NETO2: variants seen among roughly 807,000 people sequenced by gnomAD.
NETO2 encodes neuropilin and tolloid like 2, also known as neuropilin and tolloid-like protein 2.
NETO2 carries 28 observed loss-of-function variants against 62.5 expected under a neutral mutation model. The observed-to-expected ratio is 0.45, with a 90% confidence interval of 0.33 to 0.61. The LOEUF is 0.61. NETO2 is among the 20% of genes least tolerant of loss of function. The probability of loss-of-function intolerance (pLI) is 0.02; values close to 1 mark genes in which losing one functional copy is unlikely to be tolerated. For missense variants in NETO2, 548 were observed against 643.2 expected (o/e 0.85, Z 1.60); for synonymous variants, 214 against 219.1 (o/e 0.98, Z 0.21).
Position 47,122,723 on chromosome 16 carries a change from C to T in NETO2, c.588G>A (p.Glu196=). Residue 196 remains glutamate, a synonymous_variant, in exon 6 of 9, where the codon GAG becomes GAA. Coordinates refer to ENST00000562435, the MANE Select transcript of NETO2 (RefSeq NM_018092.5). ...CGGCTTGGCCTGGTTTTGTTTTCTC[C>T]TCTTGTTCTACCTGACTAGAGCGCA... ...GIVRSSQVEQ[E]EKTKPGQAVD... 1.9e-6 allele frequency: 3 copies of T among 1,614,104 alleles called. No individual in the cohort carries two copies. Among genetic ancestry groups the T allele is most frequent in the Non-Finnish European group, 2.5e-6 (3 of 1,180,014 alleles).
intron 7 of NETO2, among the ~76,000 whole-genome samples, chr16:47,103,624 T>C (rs1214425006): frequency 2.6e-5 from 4 of 152,074 alleles, no homozygotes; most frequent in Admixed American, 6.6e-5. Context: ...AATATTAATA[T>C]AAAAATCCTC....
In NETO2 at chr16:47,085,029, G is replaced by A. The variant is rs1044801551; in HGVS notation, c.997+1197C>T. ...CCAGTCCTTGGTACCAAAAAGGTTG[G>A]GGACTGCTGTCTTAGAGGATAAAAG... On this transcript the variant is annotated intron_variant, in intron 8 of 8. Transcript: ENST00000562435. 5.3e-5 allele frequency among the ~76,000 whole-genome samples: 8 copies of A among 152,118 alleles called. No individual in the cohort carries two copies. The East Asian group carries it at 1.5e-3, about 29-fold the overall frequency.
At chr16:47,085,537 A>C (rs1963167854) in intron 8 of NETO2, among the ~76,000 whole-genome samples, 1 of 151,562 alleles carries the variant, frequency 6.6e-6, no homozygotes, top group Admixed American at 6.6e-5. Flanking sequence ...GCGTGCCACC[A>C]CGCCTAGCTG....
At chr16:47,106,822 C>G (rs1039493649) in intron 7 of NETO2, among the ~76,000 whole-genome samples, 1 of 151,340 alleles carries the variant, frequency 6.6e-6, no homozygotes, top group African/African-American at 2.4e-5. Context: ...CTCTGTCACA[C>G]AGGCTGGAGA....
chr16:47,116,593 C>G (rs1050191782), intron 6 of NETO2, among the ~76,000 whole-genome samples: 1 of 152,006 alleles, frequency 6.6e-6, no homozygotes, highest in Non-Finnish European at 1.5e-5. Context: ...CTTATAATGT[C>G]TCTTTGTCTG....
At chr16:47,115,121 C>T (rs1319011983) in intron 6 of NETO2, among the ~76,000 whole-genome samples, 1 of 152,116 alleles carries the variant, frequency 6.6e-6, no homozygotes, top group Non-Finnish European at 1.5e-5. Context: ...TTGTCAGTAC[C>T]ACAGTCTTGG....
chr16:47,131,926 A>C, intron 2 of NETO2, 43 bp downstream of exon 2: 4 of 1,530,536 alleles, frequency 2.6e-6, no homozygotes, highest in Non-Finnish European at 3.6e-6. Flanking sequence ...AAGCCAGTCC[A>C]TTGTCTTAAA....
Position 47,081,161 on chromosome 16 carries a change from G to A in NETO2, c.*2060C>T, listed in dbSNP as rs749165402. The A allele has an allele frequency of 6.6e-6, 1 of 151,966 alleles. No individual in the cohort carries two copies. The highest frequency in any genetic ancestry group is 1.5e-5 in the Non-Finnish European group (1 of 67,962). The allele number at this position is 151,966 out of a possible 1,614,324, so 9.4% of individuals were successfully genotyped here. A position where few individuals can be genotyped will look rare whatever the true frequency, so the allele number is the denominator to read the frequency against. On this transcript the variant is annotated 3_prime_UTR_variant, in exon 9 of 9. Coordinates refer to ENST00000562435, the MANE Select transcript of NETO2 (RefSeq NM_018092.5). ...TATTATAATCTAAAGATTAAATATA[G>A]GTTTAACAGCTATTTTAAAAAATGA...
chr16:47,130,270 A>T (rs1283309666), intron 2 of NETO2, among the ~76,000 whole-genome samples: 3 of 152,130 alleles, frequency 2.0e-5, no homozygotes, highest in Non-Finnish European at 4.4e-5. Context: ...AACAGCCCCT[A>T]GGAAAGGCTT....
intron 1 of NETO2, among the ~76,000 whole-genome samples, chr16:47,138,787 C>T (rs1964406963): frequency 6.6e-6 from 1 of 152,178 alleles, no homozygotes; most frequent in South Asian, 2.1e-4. Context: ...CAACTCTGTG[C>T]CCCTTACTCT....
intron 8 of NETO2, among the ~76,000 whole-genome samples, chr16:47,085,761 A>T (rs1047279937): frequency 6.6e-6 from 1 of 152,130 alleles, no homozygotes; most frequent in East Asian, 1.9e-4. Flanking sequence ...ACCACATCCC[A>T]GGTCTATGAT....
chr16:47,128,454 T>C lies in NETO2; in HGVS notation c.352A>G (p.Ile118Val), dbSNP rs1354221528. 54 of 1,613,960 alleles carry C rather than the reference T, an allele frequency of 3.3e-5. No homozygotes were observed. Among genetic ancestry groups the C allele is most frequent in the Non-Finnish European group, 4.3e-5 (51 of 1,179,990 alleles). ...CTTTTCACGCCACAGTAACGATCTATAAGAGGAGAGAAACCAAATGGCCCA... is the reference window on the plus strand; with the variant it reads ...CTTTTCACGCCACAGTAACGATCTACAAGAGGAGAGAAACCAAATGGCCCA... ...RDGPFGFSPL[I>V]DRYCGVKSPP... Residue 118 changes from isoleucine to valine, a missense_variant, in exon 4 of 9, where the codon ATA becomes GTA. Transcript: ENST00000562435.
At position 47,080,641 on chromosome 16, in the gene NETO2, G is replaced by A. The variant is rs1166289785; in HGVS notation, c.*2580C>T. Reference sequence around the variant, plus strand: ...ATCTAATGCCCATCTATGATTCAATGAAGGTGTATAACATGTGACAGGCTA... The same window carrying A: ...ATCTAATGCCCATCTATGATTCAATAAAGGTGTATAACATGTGACAGGCTA... On this transcript the variant is annotated 3_prime_UTR_variant, in exon 9 of 9. Coordinates refer to ENST00000562435, the MANE Select transcript of NETO2 (RefSeq NM_018092.5). 1.3e-5 allele frequency: 2 copies of A among 152,192 alleles called. No individual in the cohort carries two copies. The highest frequency in any genetic ancestry group is 2.9e-5 in the Non-Finnish European group (2 of 68,026). 9.4% of individuals were successfully genotyped at this position (152,192 alleles called of 1,614,324 possible). A position where few individuals can be genotyped will look rare whatever the true frequency, so the allele number is the denominator to read the frequency against.
At chr16:47,128,041 T>C (rs1259730762) in intron 4 of NETO2, among the ~76,000 whole-genome samples, 1 of 152,050 alleles carries the variant, frequency 6.6e-6, no homozygotes, top group Non-Finnish European at 1.5e-5. Flanking sequence ...TATTTTTAAA[T>C]GTATTTTAAA....
chr16:47,132,454 G>C (rs1964285072), intron 1 of NETO2, among the ~76,000 whole-genome samples: 1 of 152,096 alleles, frequency 6.6e-6, no homozygotes, highest in Non-Finnish European at 1.5e-5. Context: ...TCTGTTTTCT[G>C]AGAACATTCT....
In NETO2 at chr16:47,132,981, T is replaced by C. The variant is rs567201960; in HGVS notation, c.35-956A>G. On this transcript the variant is annotated intron_variant, in intron 1 of 8. Transcript: ENST00000562435. The stretch of plus-strand genomic sequence containing the variant: ...ATAAATAGGTCAACCTCATTGGTGG[T>C]TGTGAAGATTAAATGAGATAATGTA... Among the ~76,000 whole-genome samples the C allele has an allele frequency of 5.3e-5, 8 of 152,268 alleles. No homozygotes were observed. The South Asian group carries it at 1.0e-3, about 20-fold the overall frequency.
chr16:47,107,374 T>C (rs565862272), intron 7 of NETO2, among the ~76,000 whole-genome samples: 14 of 152,202 alleles, frequency 9.2e-5, no homozygotes, highest in Admixed American at 7.2e-4. Flanking sequence ...TATAAACCAC[T>C]AGCCTGAGTA....
intron 7 of NETO2, among the ~76,000 whole-genome samples, chr16:47,087,017 A>G (rs1328308878): frequency 1.6e-5 from 2 of 126,214 alleles, no homozygotes; most frequent in Non-Finnish European, 3.2e-5. Context: ...ACTTAGCATA[A>G]TTATTTATAA....
At chr16:47,110,521 C>T (rs1963772486) in intron 6 of NETO2, among the ~76,000 whole-genome samples, 1 of 152,162 alleles carries the variant, frequency 6.6e-6, no homozygotes, top group Non-Finnish European at 1.5e-5. Context: ...TATTCGGTGG[C>T]AAGGATTAAA....
Sources: gnomAD v4.1 joint callset for allele counts (sites outside exome capture counted in the v4.1 genomes callset) on GRCh38, gnomAD v4.1.1 for gene constraint, MANE v1.5 for transcripts, NCBI Gene and HGNC (gene_info 2026-07-23, HGNC 2026-07-21) for gene names.